The following CEP112 variants were observed in gnomAD, a reference collection of about 807,000 sequenced individuals.
The protein encoded by CEP112 is centrosomal protein of 112 kDa.
A neutral mutation model predicts 153.0 loss-of-function variants in CEP112; 127 were observed. The ratio of observed to expected loss-of-function variants is 0.83; its 90% CI spans 0.72 to 0.96. The LOEUF is 0.96. Among genes scored for constraint, CEP112 ranks in the 40% least tolerant of loss-of-function variants. The pLI, the probability that CEP112 is intolerant of heterozygous loss-of-function variation, is 0.00. For synonymous variants in CEP112, 358 were observed against 374.4 expected (o/e 0.96, Z 0.51); for missense variants, 1,089 against 1,101.2 (o/e 0.99, Z 0.16).
chr17:66,106,533 G>T (rs977806914), intron 6 of CEP112, among the ~76,000 whole-genome samples: 7 of 151,918 alleles, frequency 4.6e-5, no homozygotes, highest in Admixed American at 3.3e-4. Context: ...TAATAAATTT[G>T]AAAACTGAAA....
At chr17:65,700,958 T>A (rs2048601875) in intron 23 of CEP112, among the ~76,000 whole-genome samples, 1 of 152,204 alleles carries the variant, frequency 6.6e-6, no homozygotes, top group Non-Finnish European at 1.5e-5. Context: ...GAATGAGGCT[T>A]AGGACATTAA....
intron 21 of CEP112, among the ~76,000 whole-genome samples, chr17:65,801,312 C>T (rs1296543369): frequency 2.0e-5 from 3 of 152,176 alleles, no homozygotes; most frequent in African/African-American, 7.2e-5. Flanking sequence ...CCTGCCTTAG[C>T]CTCCCAAACT....
intron 19 of CEP112, among the ~76,000 whole-genome samples, chr17:65,919,890 G>A (rs898766687): frequency 1.3e-5 from 2 of 152,040 alleles, no homozygotes; most frequent in South Asian, 2.1e-4. Flanking sequence ...CTGGAACTCC[G>A]CGGGAGTGCA....
intron 4 of CEP112, among the ~76,000 whole-genome samples, chr17:66,166,794 C>T (rs1409287097): frequency 6.6e-6 from 1 of 151,646 alleles, no homozygotes; most frequent in African/African-American, 2.4e-5. Flanking sequence ...ATCCCAGCTA[C>T]TCAGGAGGCT....
intron 2 of CEP112, among the ~76,000 whole-genome samples, chr17:66,179,949 T>C (rs2072647891): frequency 6.6e-6 from 1 of 152,220 alleles, no homozygotes; most frequent in African/African-American, 2.4e-5. Context: ...GAAATGATCA[T>C]ACAGTTTTTG....
At chr17:66,012,168 T>C (rs1011138258) in intron 16 of CEP112, among the ~76,000 whole-genome samples, 2 of 152,218 alleles carry the variant, frequency 1.3e-5, no homozygotes, top group Non-Finnish European at 2.9e-5. Flanking sequence ...CTTGCCTCTT[T>C]ATCCAACTTG....
intron 12 of CEP112, among the ~76,000 whole-genome samples, chr17:66,034,974 A>ATGTGTGTGTGTGTTTGTGTGTG (rs1568411223): frequency 2.7e-5 from 1 of 36,616 alleles, no homozygotes; most frequent in African/African-American, 1.2e-4. Context: ...AAGTTTTTGC[A>ATGTGTGTGTGTGTTTGTGTGTG]TGTATATATA....
rs751340747 is a variant in CEP112, at chr17:65,689,193, C to T, written c.2633G>A (p.Arg878His). 9.9e-6 allele frequency: 16 copies of T among 1,612,582 alleles called. No individual in the cohort carries two copies. Among genetic ancestry groups the T allele is most frequent in the Middle Eastern group, 1.7e-4 (1 of 6,048 alleles). Residue 878 changes from arginine to histidine, a missense_variant, in exon 24 of 27, where the codon CGT becomes CAT. Arg to His is a conservative substitution (Grantham distance 29). Transcript: ENST00000535342. ...CTCTGCACATCGCACCTGATTAGAA[C>T]GGTTTTCTAATTCATCTTGTAAAAC... ...IKVLQDELEN[R>H]SNQVRCAEKK...
intron 16 of CEP112, among the ~76,000 whole-genome samples, chr17:66,016,151 A>G (rs117223420): frequency 2.6e-5 from 4 of 152,178 alleles, no homozygotes; most frequent in Non-Finnish European, 5.9e-5. Flanking sequence ...ATCTTCTTGT[A>G]TGCTACTGGT....
intron 21 of CEP112, among the ~76,000 whole-genome samples, chr17:65,755,765 G>C (rs547313735): frequency 1.3e-5 from 2 of 152,008 alleles, no homozygotes; most frequent in African/African-American, 4.8e-5. Flanking sequence ...TACCTAACAT[G>C]GGAAAAGTTA....
In CEP112 at chr17:65,782,036, C is replaced by T. The variant is rs757520761; in HGVS notation, c.2395-31312G>A. Among the ~76,000 whole-genome samples, 3 of 152,054 alleles carry T rather than the reference C, an allele frequency of 2.0e-5. No individual in the cohort carries two copies. The East Asian group carries it at 5.8e-4, about 29-fold the overall frequency. On this transcript the variant is annotated intron_variant, in intron 21 of 26. Transcript: ENST00000535342. ...CTAATTAAACTAAAGATCTTCTGCA[C>T]AGCAAAATAACTACCAACAGAGTAA...
At chr17:66,006,880 G>A (rs938312357) in intron 16 of CEP112, among the ~76,000 whole-genome samples, 1 of 152,136 alleles carries the variant, frequency 6.6e-6, no homozygotes, top group African/African-American at 2.4e-5. Flanking sequence ...AGTGAAACGA[G>A]TGGCCAACAG....
chr17:65,936,561 A>C (rs1443308289), intron 18 of CEP112, among the ~76,000 whole-genome samples: 3 of 152,174 alleles, frequency 2.0e-5, no homozygotes, highest in Admixed American at 6.5e-5. Flanking sequence ...GAATTCAACA[A>C]CACATTAAAA....
At chr17:66,159,368 G>A (rs1162922762) in intron 4 of CEP112, among the ~76,000 whole-genome samples, 1 of 152,192 alleles carries the variant, frequency 6.6e-6, no homozygotes, top group Admixed American at 6.5e-5. Flanking sequence ...GAGTTATCCT[G>A]ATACCAAAAC....
At chr17:66,142,080 G>C (rs1199238144) in intron 4 of CEP112, among the ~76,000 whole-genome samples, 2 of 152,140 alleles carry the variant, frequency 1.3e-5, no homozygotes, top group Admixed American at 6.5e-5. Context: ...ATTCTAACAG[G>C]TGTGAGTGAT....
intron 18 of CEP112, among the ~76,000 whole-genome samples, chr17:65,932,041 T>TA (rs1197600551): frequency 6.6e-6 from 1 of 152,166 alleles, no homozygotes; most frequent in African/African-American, 2.4e-5. Flanking sequence ...CAACCCTGCC[T>TA]AATCAGAGGT....
chr17:65,640,625 A>G (rs2045080110), intron 25 of CEP112, among the ~76,000 whole-genome samples: 1 of 152,218 alleles, frequency 6.6e-6, no homozygotes, highest in South Asian at 2.1e-4. Flanking sequence ...CCTTCTGCAC[A>G]GTGAGGAATC....
intron 12 of CEP112, among the ~76,000 whole-genome samples, chr17:66,031,181 T>C (rs1341693750): frequency 6.6e-6 from 1 of 152,182 alleles, no homozygotes; most frequent in Non-Finnish European, 1.5e-5. Flanking sequence ...TTTCAGAAAA[T>C]AGTTTCCATT....
At chr17:65,833,215 A>AT (rs2057160931) in intron 21 of CEP112, among the ~76,000 whole-genome samples, 1 of 152,190 alleles carries the variant, frequency 6.6e-6, no homozygotes, top group Non-Finnish European at 1.5e-5. Flanking sequence ...CCTCAAAATA[A>AT]TAAGAGCCAT....
Sources: allele counts gnomAD v4.1 joint callset (sites outside exome capture counted in the v4.1 genomes callset), GRCh38; gene constraint gnomAD v4.1.1; transcripts MANE v1.5; gene names NCBI Gene and HGNC (gene_info 2026-07-23, HGNC 2026-07-21).